Variants in NLRC3 observed in about 807,000 individuals in gnomAD.
NLRC3 encodes the protein NLR family CARD domain containing 3, also known as NLR family CARD domain-containing protein 3.
Under a neutral mutation model 91.6 loss-of-function variants are expected in NLRC3, and 87 were observed. The observed-to-expected ratio is 0.95, with a 90% confidence interval of 0.80 to 1.14. The LOEUF (loss-of-function observed/expected upper bound fraction) is 1.14. Ranked by LOEUF, NLRC3 falls within the 50% of genes most tolerant of loss-of-function variation. NLRC3 has a pLI of 0.00. For synonymous variants in NLRC3, 694 were observed against 625.3 expected (o/e 1.11, Z -1.64); for missense variants, 1,577 against 1,418.6 (o/e 1.11, Z -1.79).
At chr16:3,551,102 C>T (rs1460011592) in intron 10 of NLRC3, among the ~76,000 whole-genome samples, 1 of 152,002 alleles carries the variant, frequency 6.6e-6, no homozygotes, top group Non-Finnish European at 1.5e-5. Flanking sequence ...TCTGTCCATC[C>T]ACTCATCCAC....
At chr16:3,546,325 G>A (rs1262674360) in intron 15 of NLRC3, among the ~76,000 whole-genome samples, 1 of 152,026 alleles carries the variant, frequency 6.6e-6, no homozygotes. Flanking sequence ...GGAGGCCAAG[G>A]TGGAAGGATC....
intron 15 of NLRC3, chr16:3,544,598 G>A: frequency 2.4e-6 from 1 of 421,322 alleles, no homozygotes; most frequent in Non-Finnish European, 4.3e-6. Flanking sequence ...CAGGGGCTTG[G>A]GACCCAAAAG....
chr16:3,553,712 TATTTTATTTTATATTTTA>T (rs1222728744), intron 9 of NLRC3, among the ~76,000 whole-genome samples: 54 of 150,876 alleles, frequency 3.6e-4, no homozygotes, highest in East Asian at 2.7e-3. Flanking sequence ...TATATTTTAT[TATTTTATTTTATATTTTA>T]ATTTTATTTT....
At chr16:3,546,841 A>G (rs1469211264) in intron 15 of NLRC3, among the ~76,000 whole-genome samples, 5 of 152,100 alleles carry the variant, frequency 3.3e-5, no homozygotes, top group African/African-American at 2.4e-5. Context: ...GCTCCAGGAA[A>G]AGAGACGCCA....
intron 1 of NLRC3, among the ~76,000 whole-genome samples, chr16:3,570,296 T>G (rs2040053990): frequency 6.6e-6 from 1 of 152,198 alleles, no homozygotes; most frequent in African/African-American, 2.4e-5. Context: ...AAGGAATATC[T>G]GTTAAATTAG....
At chr16:3,557,362 C>G (rs577315565) in intron 7 of NLRC3, among the ~76,000 whole-genome samples, 2 of 152,284 alleles carry the variant, frequency 1.3e-5, no homozygotes, top group African/African-American at 4.8e-5. Context: ...AAGGCATGTG[C>G]GCTAAGGTGT....
chr16:3,555,126 AGGC>A, intron 8 of NLRC3, among the ~76,000 whole-genome samples: 1 of 150,850 alleles, frequency 6.6e-6, no homozygotes, highest in Non-Finnish European at 1.5e-5. Context: ...GCTACTCGGG[AGGC>A]TGAGACAGGA....
At chr16:3,555,479 C>A (rs1014787303) in intron 8 of NLRC3, among the ~76,000 whole-genome samples, 11 of 152,024 alleles carry the variant, frequency 7.2e-5, no homozygotes, top group African/African-American at 2.7e-4. Context: ...AGGTCTCCTT[C>A]AGGGGTGATG....
chr16:3,552,913 C>T (rs935270610), intron 9 of NLRC3, among the ~76,000 whole-genome samples: 3 of 152,008 alleles, frequency 2.0e-5, no homozygotes, highest in East Asian at 1.9e-4. Context: ...GCACTCCAGG[C>T]GGGCAATAGA....
chr16:3,561,047 A>T (rs889622361), intron 6 of NLRC3, among the ~76,000 whole-genome samples: 1 of 151,980 alleles, frequency 6.6e-6, no homozygotes, highest in Non-Finnish European at 1.5e-5. Context: ...TTGAAATTTA[A>T]AATTTTAATT....
chr16:3,563,738 A>T lies in NLRC3; in HGVS notation c.1199T>A (p.Leu400Ter). 1 of 1,613,496 alleles carries T rather than the reference A, an allele frequency of 6.2e-7. No individual in the cohort carries two copies. The highest frequency in any genetic ancestry group is 8.5e-7 in the Non-Finnish European group (1 of 1,179,794). Residue 400 changes from leucine to a stop codon, truncating the protein, a stop_gained, in exon 5 of 20, where the codon TTG becomes TAG. Coordinates refer to ENST00000359128, the MANE Select transcript of NLRC3 (RefSeq NM_178844.4). LOFTEE classifies it high-confidence loss of function. ...AHGGRKMVGTLGRLAFHGLLK... is the reference protein window; with the variant it reads ...AHGGRKMVGT ...CAGCCCATGGAAGGCCAGACGGCCC[A>T]ATGTCCCCACCATCTTGCGGCCACC...
At chr16:3,574,092 G>A (rs1053099439) in intron 1 of NLRC3, among the ~76,000 whole-genome samples, 1 of 125,910 alleles carries the variant, frequency 7.9e-6, no homozygotes, top group Non-Finnish European at 1.5e-5. Context: ...GCACTATCTC[G>A]TCTCACTGCA....
rs2151094626 is a variant in NLRC3, at chr16:3,557,482, A to C, written c.2099+111T>G. The C allele has an allele frequency of 1.2e-5, 8 of 652,146 alleles. No individual in the cohort carries two copies. The South Asian group carries it at 1.5e-4, about 12-fold the overall frequency. 40.4% of individuals were successfully genotyped at this position (652,146 alleles called of 1,614,324 possible). ...GCTGAATCATGGGAATCAGGGAAGA[A>C]CAGACAGGTAAGACCCAAGTCATTT... is the stretch of plus-strand genomic sequence containing the variant. On this transcript the variant is annotated intron_variant, in intron 7 of 19. Transcript: ENST00000359128.
In NLRC3 at chr16:3,541,321, G is replaced by A. The variant is rs2038386901; in HGVS notation, c.*504C>T. ...ATTTTCCCATAGCTTTTTCATGTCT[G>A]TAAGGATGATACCCTGAAATCTTCT... On this transcript the variant is annotated 3_prime_UTR_variant, in exon 20 of 20. Transcript: ENST00000359128. 6.5e-6 allele frequency: 1 copy of A among 152,964 alleles called. No homozygotes were observed. Among genetic ancestry groups the A allele is most frequent in the Non-Finnish European group, 1.5e-5 (1 of 68,634 alleles). The allele number at this position is 152,964 out of a possible 1,614,324, so 9.5% of individuals were successfully genotyped here. A position where few individuals can be genotyped will look rare whatever the true frequency, so the allele number is the denominator to read the frequency against.
At chr16:3,542,629 A>G (rs2038465661) in intron 18 of NLRC3, 63 bp downstream of exon 18, 3 of 944,088 alleles carry the variant, frequency 3.2e-6, no homozygotes, top group Non-Finnish European at 5.1e-6. Context: ...TTATTCCATC[A>G]GGGAGGACCC....
chr16:3,562,114 C>G (rs1039044933), intron 5 of NLRC3, among the ~76,000 whole-genome samples: 2 of 152,124 alleles, frequency 1.3e-5, no homozygotes, highest in African/African-American at 4.8e-5. Flanking sequence ...GAGTGGCGGG[C>G]AGGGGACAGG....
In NLRC3 at chr16:3,564,078, G is replaced by A. The variant is rs779169882; in HGVS notation, c.859C>T (p.Arg287Trp). Residue 287 changes from arginine to tryptophan, a missense_variant, in exon 5 of 20, where the codon CGG (arginine) becomes TGG (tryptophan). Arg to Trp is a moderately radical substitution (Grantham distance 101). Coordinates refer to ENST00000359128, the MANE Select transcript of NLRC3 (RefSeq NM_178844.4). The surrounding 1 kb of genome is among the most constrained non-coding windows in gnomAD (Gnocchi z 5.9). ...GGLVDRMTEI[R>W]GFNEEEIKVC... is the part of the protein sequence containing the mutation. ...TTGATCTCCTCCTCGTTAAAGCCCC[G>A]GATCTCCGTCATCCGGTCCACCAGG... The A allele has an allele frequency of 3.0e-5, 49 of 1,613,300 alleles. No homozygotes were observed. Among genetic ancestry groups the A allele is most frequent in the Non-Finnish European group, 3.9e-5 (46 of 1,179,886 alleles).
At chr16:3,565,121 G>T in intron 3 of NLRC3, 61 bp from the exon 4 acceptor site, 1 of 1,309,520 alleles carries the variant, frequency 7.6e-7, no homozygotes, top group Non-Finnish European at 1.1e-6. Flanking sequence ...GCCTGGGACA[G>T]GTGAGCAAGT....
rs533791349 is a variant in NLRC3 at position 3,541,069 on chromosome 16, G to A, written c.*756C>T. 6.6e-6 allele frequency: 1 copy of A among 152,318 alleles called. No individual in the cohort carries two copies. Among genetic ancestry groups the A allele is most frequent in the East Asian group, 1.9e-4 (1 of 5,174 alleles). The allele number at this position is 152,318 out of a possible 1,614,324, so 9.4% of individuals were successfully genotyped here. A position where few individuals can be genotyped will look rare whatever the true frequency, so the allele number is the denominator to read the frequency against. On this transcript the variant is annotated 3_prime_UTR_variant, in exon 20 of 20. Transcript: ENST00000359128. The stretch of plus-strand genomic sequence containing the variant: ...AAACTACAAAAATTAGCCGGGCATG[G>A]TGGCGGGTGCCTGTATTCCCAGCTA...
Sources: allele counts gnomAD v4.1 joint callset (sites outside exome capture counted in the v4.1 genomes callset), GRCh38; gene constraint gnomAD v4.1.1; non-coding constraint Gnocchi (gnomAD v3.1); transcripts MANE v1.5; gene names NCBI Gene and HGNC (gene_info 2026-07-23, HGNC 2026-07-21).